LIMK2: variants seen among roughly 807,000 people sequenced by gnomAD.
The protein encoded by LIMK2 is LIM domain kinase 2.
LIMK2 carries 35 observed loss-of-function variants against 75.7 expected under a neutral mutation model. That is an observed-to-expected ratio of 0.46 (90% confidence interval 0.35 to 0.61). LIMK2 has a LOEUF of 0.61. Ranked by LOEUF, LIMK2 falls within the 20% of genes least tolerant of loss-of-function variation. The probability of loss-of-function intolerance (pLI) is 0.00; values close to 1 mark genes in which losing one functional copy is unlikely to be tolerated. For synonymous variants in LIMK2, 301 were observed against 319.2 expected, an observed-to-expected ratio of 0.94 and a Z score of 0.61; for missense variants, 623 against 831.0, an observed-to-expected ratio of 0.75 and a Z score of 3.08.
intron 2 of LIMK2, among the ~76,000 whole-genome samples, chr22:31,236,608 CAAAA>C (rs929179978): frequency 1.1e-5 from 1 of 91,026 alleles, no homozygotes; most frequent in Admixed American, 1.3e-4. Context: ...GACCCTATCT[CAAAA>C]AAAAAAAAAA....
At chr22:31,231,211 A>G (rs1209044671) in intron 2 of LIMK2, among the ~76,000 whole-genome samples, 1 of 152,196 alleles carries the variant, frequency 6.6e-6, no homozygotes, top group Non-Finnish European at 1.5e-5. Context: ...CCTGCCTGCC[A>G]CACACTGGTA....
At chr22:31,242,096 C>T (rs914391011) in intron 2 of LIMK2, among the ~76,000 whole-genome samples, 4 of 152,154 alleles carry the variant, frequency 2.6e-5, no homozygotes, top group African/African-American at 7.2e-5. Context: ...TTCTAGATTT[C>T]CTGCCCACAT....
At chr22:31,270,903 G>A (rs956331750) in intron 11 of LIMK2, among the ~76,000 whole-genome samples, 1 of 152,198 alleles carries the variant, frequency 6.6e-6, no homozygotes, top group African/African-American at 2.4e-5. Context: ...GCTAGTGATT[G>A]GTGAACCAAA....
intron 12 of LIMK2, 148 bp downstream of exon 12, chr22:31,271,349 C>T (rs758678376): frequency 5.9e-6 from 4 of 678,972 alleles, no homozygotes; most frequent in Non-Finnish European, 1.1e-5. Flanking sequence ...CTTCCAATGC[C>T]CTTCTCTGTC....
At chr22:31,229,149 G>C (rs1461056232) in intron 2 of LIMK2, among the ~76,000 whole-genome samples, 1 of 152,156 alleles carries the variant, frequency 6.6e-6, no homozygotes, top group Non-Finnish European at 1.5e-5. Context: ...TTCCCGTGGA[G>C]GAAGTAGAGT....
In LIMK2 at chr22:31,267,918, C is replaced by T. The variant is rs2048913001; in HGVS notation, c.1260+11C>T. ...TTTCTGCGCAGTATGGTGAGCACACCACCCCATAGTCTCCAGGAGCCTTGG... is the reference window on the plus strand; with the variant it reads ...TTTCTGCGCAGTATGGTGAGCACACTACCCCATAGTCTCCAGGAGCCTTGG... On this transcript the variant is annotated intron_variant, in intron 10 of 15. Coordinates refer to ENST00000331728, the MANE Select transcript of LIMK2 (RefSeq NM_005569.4). The T allele has an allele frequency of 6.3e-7, 1 of 1,585,682 alleles. No individual in the cohort carries two copies. Among genetic ancestry groups the T allele is most frequent in the African/African-American group, 1.4e-5 (1 of 73,726 alleles).
At chr22:31,248,879 C>T (rs185974489) in intron 2 of LIMK2, 29 of 1,193,386 alleles carry the variant, frequency 2.4e-5, no homozygotes, top group Admixed American at 1.2e-4. Context: ...TCGGTTCTGC[C>T]GGGCAGAAGC....
In LIMK2 at chr22:31,254,204, T is replaced by C. The variant is rs559955643; in HGVS notation, c.117-4087T>C. On this transcript the variant is annotated intron_variant, in intron 2 of 15. Transcript: ENST00000331728. The stretch of plus-strand genomic sequence containing the variant: ...TCCCTCTCCTGGGCCTGGCCAGAGC[T>C]ACTTGCAGCAAACAAAAGCAGGATA... Among the ~76,000 whole-genome samples the C allele has an allele frequency of 1.6e-4, 24 of 152,346 alleles. No homozygotes were observed. The South Asian group carries it at 4.8e-3, about 30-fold the overall frequency.
At chr22:31,216,462 C>T (rs559772004) in intron 1 of LIMK2, among the ~76,000 whole-genome samples, 2 of 152,210 alleles carry the variant, frequency 1.3e-5, no homozygotes, top group South Asian at 2.1e-4. Context: ...TTCTAGTCTA[C>T]AGTAGGCACC....
chr22:31,257,612 T>G (rs1424127097), intron 2 of LIMK2, among the ~76,000 whole-genome samples: 3 of 152,220 alleles, frequency 2.0e-5, no homozygotes, highest in African/African-American at 7.2e-5. Flanking sequence ...GTTTCCTTTT[T>G]TAATCTAAAT....
chr22:31,257,165 T>G (rs1311648443), intron 2 of LIMK2, among the ~76,000 whole-genome samples: 1 of 150,242 alleles, frequency 6.7e-6, no homozygotes, highest in East Asian at 2.0e-4. Flanking sequence ...GTGCTGGGAT[T>G]AGAGGCATCA....
chr22:31,242,454 A>G (rs2048630871), intron 2 of LIMK2, among the ~76,000 whole-genome samples: 1 of 152,226 alleles, frequency 6.6e-6, no homozygotes, highest in African/African-American at 2.4e-5. Context: ...GGAACATTAC[A>G]CTTTGGAGAT....
chr22:31,226,083 C>T (rs2048475012), intron 2 of LIMK2, among the ~76,000 whole-genome samples: 1 of 152,202 alleles, frequency 6.6e-6, no homozygotes, highest in Non-Finnish European at 1.5e-5. Context: ...TCCCATATCC[C>T]TCACTTTATG....
chr22:31,265,909 A>T, intron 7 of LIMK2, 37 bp from the exon 8 acceptor site: 1 of 1,592,850 alleles, frequency 6.3e-7, no homozygotes. Context: ...GTCTCTGAGG[A>T]CTACACATCC....
intron 8 of LIMK2, 137 bp downstream of exon 8, chr22:31,266,269 T>A: frequency 1.2e-6 from 1 of 850,800 alleles, no homozygotes; most frequent in Non-Finnish European, 1.9e-6. Flanking sequence ...GGTGTTGGTG[T>A]GAGAGGTATC....
At chr22:31,214,499 G>A (rs1425246781) in intron 1 of LIMK2, among the ~76,000 whole-genome samples, 1 of 151,704 alleles carries the variant, frequency 6.6e-6, no homozygotes, top group African/African-American at 2.4e-5. Context: ...GTAGAGACAG[G>A]GTCTCACTAT....
rs543853175 is a variant in LIMK2 at position 31,248,450 on chromosome 22, C to T, written c.117-9841C>T. ...AGCCTCCACAGAGAGGTCGTTTTCT[C>T]GGAGTCCAGAGGGGCCGCCTGAGCT... On this transcript the variant is annotated intron_variant, in intron 2 of 15. Coordinates refer to ENST00000331728, the MANE Select transcript of LIMK2 (RefSeq NM_005569.4). The T allele has an allele frequency of 2.2e-5, 33 of 1,474,388 alleles. No homozygotes were observed. In the East Asian group the frequency reaches 2.6e-4, roughly 11 times the overall value. The allele number at this position is 1,474,388 out of a possible 1,614,324, so 91.3% of individuals were successfully genotyped here.
chr22:31,218,300 A>T (rs1405277526), intron 1 of LIMK2, among the ~76,000 whole-genome samples: 1 of 152,240 alleles, frequency 6.6e-6, no homozygotes, highest in African/African-American at 2.4e-5. Context: ...TCAAACACAC[A>T]TACATTTACC....
At chr22:31,273,329 G>T (rs1322437036) in intron 13 of LIMK2, 123 bp from the exon 14 acceptor site, 3 of 831,880 alleles carry the variant, frequency 3.6e-6, no homozygotes, top group Non-Finnish European at 2.0e-6. Context: ...GACAGCCTGT[G>T]GGGTGTCCCT....
Sources: gnomAD v4.1 joint callset for allele counts (sites outside exome capture counted in the v4.1 genomes callset) on GRCh38, gnomAD v4.1.1 for gene constraint, MANE v1.5 for transcripts, NCBI Gene and HGNC (gene_info 2026-07-23, HGNC 2026-07-21) for gene names.